Variants in EPB41 observed in about 807,000 individuals in gnomAD.
EPB41 encodes the protein protein 4.1.
A neutral mutation model predicts 108.0 loss-of-function variants in EPB41; 65 were observed. The observed-to-expected ratio is 0.60, with a 90% CI of 0.49 to 0.74. EPB41 has a LOEUF of 0.74. Ranked by LOEUF, EPB41 falls within the 30% of genes least tolerant of loss-of-function variation. The pLI is 0.00. For missense variants in EPB41, 875 were observed against 1,037.0 expected (o/e 0.84, Z 2.15); for synonymous variants, 336 against 358.9 (o/e 0.94, Z 0.72).
intron 11 of EPB41, among the ~76,000 whole-genome samples, chr1:29,050,411 G>A (rs2150689438): frequency 6.6e-6 from 1 of 152,382 alleles, no homozygotes; most frequent in East Asian, 1.9e-4. Context: ...CATGGGCTAA[G>A]TTTCTATGAT....
chr1:28,999,082 A>G (rs191367404), intron 4 of EPB41, among the ~76,000 whole-genome samples: 2 of 152,322 alleles, frequency 1.3e-5, no homozygotes, highest in African/African-American at 2.4e-5. Context: ...AAATTCTCCC[A>G]TGAATTGGCG....
intron 16 of EPB41, among the ~76,000 whole-genome samples, chr1:29,074,116 A>G (rs889169508): frequency 1.8e-4 from 28 of 152,160 alleles, no homozygotes; most frequent in African/African-American, 2.4e-4. Flanking sequence ...GTGATCATGT[A>G]TTTACAAAAG....
chr1:28,975,399 T>C (rs186259316), intron 1 of EPB41, among the ~76,000 whole-genome samples: 1 of 152,282 alleles, frequency 6.6e-6, no homozygotes, highest in Non-Finnish European at 1.5e-5. Flanking sequence ...TTGCAAGGCT[T>C]TTCAAGTTTC....
chr1:28,990,692 T>C (rs1270467201), intron 2 of EPB41, among the ~76,000 whole-genome samples: 1 of 152,136 alleles, frequency 6.6e-6, no homozygotes, highest in Non-Finnish European at 1.5e-5. Flanking sequence ...ATGCTGGGAT[T>C]ACAGGCATGA....
intron 16 of EPB41, among the ~76,000 whole-genome samples, chr1:29,074,424 G>T (rs1461694717): frequency 6.6e-6 from 1 of 152,046 alleles, no homozygotes; most frequent in Non-Finnish European, 1.5e-5. Flanking sequence ...TGTTTTGTGT[G>T]GCATGTAGCA....
At chr1:29,068,931 C>A (rs544194100) in intron 16 of EPB41, 24 of 720,084 alleles carry the variant, frequency 3.3e-5, no homozygotes, top group Non-Finnish European at 3.8e-5. Context: ...CACAGCCTTT[C>A]GGCCTAACAC....
intron 1 of EPB41, among the ~76,000 whole-genome samples, chr1:28,973,518 T>C (rs984507988): frequency 5.3e-5 from 8 of 152,112 alleles, no homozygotes; most frequent in Admixed American, 3.3e-4. Context: ...GCCTCCCAGA[T>C]AGCTATGACT....
rs1671617356 is a variant in EPB41 at position 29,119,868 on chromosome 1, G to GA, written c.*3062dup. ...TATCAAGTAGTTGTTTACATTTCTT[G>GA]AAAAAATAGGAACTCGGGCAGCAGA... is the stretch of plus-strand genomic sequence containing the variant. On this transcript the variant is annotated 3_prime_UTR_variant, in exon 21 of 21. Transcript: ENST00000343067. 2 of 152,558 alleles carry GA rather than the reference G, an allele frequency of 1.3e-5. No individual in the cohort carries two copies. Among genetic ancestry groups the GA allele is most frequent in the African/African-American group, 4.8e-5 (2 of 41,418 alleles). The allele number at this position is 152,558 out of a possible 1,614,324, so 9.5% of individuals were successfully genotyped here.
chr1:29,065,008 C>T lies in EPB41; in HGVS notation c.2034C>T (p.Ile678=), dbSNP rs867326082. ...LEDLDKSQEE[I]KKHHASISEL... The stretch of plus-strand genomic sequence containing the variant: ...ATTTAGACAAGAGTCAAGAGGAGAT[C>T]AAAAAACATCATGCCAGCATCAGTG... The change falls in exon 16 of 21, where the codon ATC becomes ATT. Residue 678 remains isoleucine, a synonymous_variant. Coordinates refer to ENST00000343067, the MANE Select transcript of EPB41 (RefSeq NM_001376013.1). The T allele has an allele frequency of 8.1e-6, 13 of 1,613,948 alleles. No individual in the cohort carries two copies. The Middle Eastern group carries it at 1.8e-3, about 225-fold the overall frequency.
chr1:28,960,983 G>A (rs917456780), intron 1 of EPB41, among the ~76,000 whole-genome samples: 3 of 147,924 alleles, frequency 2.0e-5, no homozygotes, highest in East Asian at 4.0e-4. Context: ...GCAGTGAGCC[G>A]AGATAGTGCC....
chr1:28,922,646 G>A lies in EPB41; in HGVS notation c.-8+7878G>A, dbSNP rs2093179388. Reference sequence around the variant, plus strand: ...ACAGGATTTTTTTTTTTTTTTTTTCGAGATTGAGTCTCACTCTGTTGCTCA... The same window carrying A: ...ACAGGATTTTTTTTTTTTTTTTTTCAAGATTGAGTCTCACTCTGTTGCTCA... On this transcript the variant is annotated intron_variant, in intron 1 of 20. Coordinates refer to ENST00000343067, the MANE Select transcript of EPB41 (RefSeq NM_001376013.1). Among the ~76,000 whole-genome samples the A allele has an allele frequency of 4.4e-5, 5 of 113,336 alleles. No homozygotes were observed. In the South Asian group the frequency reaches 8.4e-4, roughly 19 times the overall value. 74.4% of individuals were successfully genotyped at this position (113,336 alleles called of 152,430 possible).
intron 1 of EPB41, among the ~76,000 whole-genome samples, chr1:28,961,276 G>A (rs1168207812): frequency 6.6e-6 from 1 of 152,116 alleles, no homozygotes. Flanking sequence ...GTTTTATAGT[G>A]CTTTTTAATT....
intron 18 of EPB41, chr1:29,109,840 C>G (rs1668553519): frequency 6.8e-6 from 2 of 293,090 alleles, no homozygotes; most frequent in Admixed American, 4.3e-5. Context: ...ACGAGACTAG[C>G]CTGACCAACA....
chr1:28,889,730 G>A (rs2089892361), intron 1 of EPB41: 2 of 786,566 alleles, frequency 2.5e-6, no homozygotes, highest in Non-Finnish European at 3.1e-6. Context: ...GTGAGGAGGG[G>A]AGGTGCAAGG....
At chr1:29,111,168 A>G (rs1669024684) in intron 18 of EPB41, among the ~76,000 whole-genome samples, 1 of 148,678 alleles carries the variant, frequency 6.7e-6, no homozygotes, top group Non-Finnish European at 1.5e-5. Context: ...CTCCATCTCA[A>G]AAAAAAAAAA....
In EPB41 at chr1:29,058,483, G is replaced by A. The variant is rs41266197; in HGVS notation, c.1846-106G>A. ...ACTGCATCATGATGATTACGTATCA[G>A]CGTATTTCACAACCAGCTTAAAGAT... On this transcript the variant is annotated intron_variant, in intron 12 of 20. Coordinates refer to ENST00000343067, the MANE Select transcript of EPB41 (RefSeq NM_001376013.1). 1.7e-3 allele frequency: 1,684 copies of A among 965,734 alleles called. 3 individuals carry two copies. The highest frequency in any genetic ancestry group is 3.3e-3 in the Middle Eastern group (13 of 3,906). 59.8% of individuals were successfully genotyped at this position (965,734 alleles called of 1,614,324 possible).
intron 1 of EPB41, among the ~76,000 whole-genome samples, chr1:28,939,226 A>G (rs930725996): frequency 7.2e-5 from 11 of 151,966 alleles, no homozygotes; most frequent in African/African-American, 1.9e-4. Flanking sequence ...GGTATTTTCA[A>G]ATGCTTTTTT....
intron 16 of EPB41, among the ~76,000 whole-genome samples, chr1:29,082,360 G>A (rs2151277337): frequency 6.6e-6 from 1 of 152,338 alleles, no homozygotes; most frequent in South Asian, 2.1e-4. Context: ...CTGACCTGAA[G>A]TGATCTGCCC....
At chr1:29,052,419 G>A (rs1221398488) in intron 11 of EPB41, among the ~76,000 whole-genome samples, 2 of 152,208 alleles carry the variant, frequency 1.3e-5, no homozygotes, top group Non-Finnish European at 2.9e-5. Flanking sequence ...GTAAGGCTGA[G>A]AGATAGTAGG....
Sources: allele counts gnomAD v4.1 joint callset (sites outside exome capture counted in the v4.1 genomes callset), GRCh38; gene constraint gnomAD v4.1.1; transcripts MANE v1.5; gene names NCBI Gene and HGNC (gene_info 2026-07-23, HGNC 2026-07-21).